Variants in CTNND2 observed in about 807,000 individuals in gnomAD.
CTNND2 encodes catenin delta-2.
Under a neutral mutation model 144.4 loss-of-function variants are expected in CTNND2, and 22 were observed. The observed-to-expected ratio is 0.15, with a 90% CI of 0.11 to 0.22. The LOEUF (loss-of-function observed/expected upper bound fraction) is 0.22, where lower values mean the gene tolerates loss of function less well. Ranked by LOEUF, CTNND2 falls within the 10% of genes least tolerant of loss-of-function variation. The pLI is 1.00. For synonymous variants in CTNND2, 751 were observed against 695.6 expected, an observed-to-expected ratio of 1.08 and a Z score of -1.25; for missense variants, 1,353 against 1,618.8, an observed-to-expected ratio of 0.84 and a Z score of 2.82.
chr5:11,371,282 G>A (rs1273382847), intron 7 of CTNND2, among the ~76,000 whole-genome samples: 5 of 152,206 alleles, frequency 3.3e-5, no homozygotes, highest in African/African-American at 1.2e-4. Flanking sequence ...GAAACTCCAA[G>A]GGGAAAAGGT....
intron 3 of CTNND2, among the ~76,000 whole-genome samples, chr5:11,464,428 C>T (rs1317420975): frequency 6.6e-6 from 1 of 151,986 alleles, no homozygotes; most frequent in Non-Finnish European, 1.5e-5. Context: ...GGAGAAAGTG[C>T]CCAAGGTTAG....
chr5:11,266,331 A>G (rs1745438280), intron 9 of CTNND2, among the ~76,000 whole-genome samples: 1 of 152,224 alleles, frequency 6.6e-6, no homozygotes, highest in South Asian at 2.1e-4. Context: ...CATAATTATC[A>G]TAAATACACA....
chr5:11,364,835 C>T lies in CTNND2; in HGVS notation c.1233G>A (p.Arg411=). The change falls in exon 8 of 22, where the codon CGG becomes CGA. Residue 411 remains arginine, a synonymous_variant. Transcript: ENST00000304623. The part of the protein sequence containing the change: ...SQHGHLGPEL[R]ALQSPEHHID... The stretch of plus-strand genomic sequence containing the variant: ...TGTGGTGTTCTGGGGACTGCAGGGC[C>T]CGCAACTCTGGGCCCAGGTGCCCAT... 1 of 1,613,780 alleles carries T rather than the reference C, an allele frequency of 6.2e-7. No homozygotes were observed. The highest frequency in any genetic ancestry group is 8.5e-7 in the Non-Finnish European group (1 of 1,179,858).
At chr5:11,342,621 C>A (rs560223035) in intron 9 of CTNND2, among the ~76,000 whole-genome samples, 1 of 152,314 alleles carries the variant, frequency 6.6e-6, no homozygotes, top group African/African-American at 2.4e-5. Context: ...GTTGCTATTA[C>A]TGCTACAATT....
intron 2 of CTNND2, among the ~76,000 whole-genome samples, chr5:11,617,653 G>C (rs894223011): frequency 6.6e-6 from 1 of 152,126 alleles, no homozygotes; most frequent in African/African-American, 2.4e-5. Flanking sequence ...GTATATAGAG[G>C]AATATGAGCC....
intron 16 of CTNND2, among the ~76,000 whole-genome samples, chr5:11,056,887 T>C (rs533161924): frequency 6.6e-6 from 1 of 152,246 alleles, no homozygotes; most frequent in Non-Finnish European, 1.5e-5. Context: ...TCAGGCCGCA[T>C]GCCAGAGACT....
intron 12 of CTNND2, among the ~76,000 whole-genome samples, chr5:11,133,782 G>T (rs963655607): frequency 2.6e-5 from 4 of 152,206 alleles, no homozygotes; most frequent in African/African-American, 9.7e-5. Flanking sequence ...TAGGAATAAT[G>T]TTGGAAAATG....
chr5:11,554,786 C>T (rs578259083), intron 3 of CTNND2, among the ~76,000 whole-genome samples: 1 of 151,864 alleles, frequency 6.6e-6, no homozygotes, highest in African/African-American at 2.4e-5. Context: ...CCCTGGAATC[C>T]AAGATACCAC....
intron 3 of CTNND2, among the ~76,000 whole-genome samples, chr5:11,426,275 T>G (rs1762763571): frequency 6.6e-6 from 1 of 152,214 alleles, no homozygotes; most frequent in Non-Finnish European, 1.5e-5. Context: ...TCATGAGAAA[T>G]GTGAAGGAAG....
intron 1 of CTNND2, among the ~76,000 whole-genome samples, chr5:11,751,542 T>C (rs4447987): frequency 6.6e-6 from 1 of 151,930 alleles, no homozygotes; most frequent in East Asian, 1.9e-4. Context: ...GCTCCATTCA[T>C]GTTGCTTCAA....
At chr5:11,164,670 G>A (rs1759126540) in intron 11 of CTNND2, among the ~76,000 whole-genome samples, 2 of 152,080 alleles carry the variant, frequency 1.3e-5, no homozygotes, top group African/African-American at 4.8e-5. Flanking sequence ...GCCTCATTCT[G>A]GAACATTGTT....
intron 8 of CTNND2, among the ~76,000 whole-genome samples, chr5:11,348,452 A>G (rs1354658918): frequency 6.8e-6 from 1 of 148,116 alleles, no homozygotes; most frequent in African/African-American, 2.4e-5. Context: ...AAAAAAAAAA[A>G]AAAAGAAAAA....
chr5:11,699,457 T>C (rs1785315522), intron 2 of CTNND2, among the ~76,000 whole-genome samples: 1 of 151,800 alleles, frequency 6.6e-6, no homozygotes, highest in East Asian at 1.9e-4. Flanking sequence ...GTATGTGGAG[T>C]TCAATTTGCT....
chr5:11,858,799 G>A (rs1017765309), intron 1 of CTNND2, among the ~76,000 whole-genome samples: 1 of 152,050 alleles, frequency 6.6e-6, no homozygotes, highest in African/African-American at 2.4e-5. Context: ...CATGGTGGCG[G>A]GTGCCTGTAG....
At chr5:11,851,743 G>C (rs1016333815) in intron 1 of CTNND2, among the ~76,000 whole-genome samples, 1 of 152,202 alleles carries the variant, frequency 6.6e-6, no homozygotes, top group Non-Finnish European at 1.5e-5. Flanking sequence ...AATTCCATTT[G>C]TGATTTTGGT....
At chr5:11,510,269 T>C (rs1367963005) in intron 3 of CTNND2, among the ~76,000 whole-genome samples, 1 of 152,134 alleles carries the variant, frequency 6.6e-6, no homozygotes, top group Non-Finnish European at 1.5e-5. Flanking sequence ...AATTTTACTC[T>C]AAGATCTAAA....
chr5:11,556,074 A>C (rs1226262520), intron 3 of CTNND2, among the ~76,000 whole-genome samples: 1 of 152,176 alleles, frequency 6.6e-6, no homozygotes, highest in Non-Finnish European at 1.5e-5. Context: ...CCTCATGAGA[A>C]ATGGTTTTTT....
chr5:11,592,729 T>TG (rs536947467), intron 2 of CTNND2, among the ~76,000 whole-genome samples: 74 of 151,072 alleles, frequency 4.9e-4, no homozygotes, highest in African/African-American at 1.6e-3. Context: ...CATGCTTTTC[T>TG]GGGGGGGTAA....
chr5:11,635,025 G>A (rs1168343794), intron 2 of CTNND2, among the ~76,000 whole-genome samples: 3 of 151,982 alleles, frequency 2.0e-5, no homozygotes, highest in African/African-American at 7.2e-5. Flanking sequence ...GGATTATACA[G>A]CACTCTTTTA....
Sources: gnomAD v4.1 joint callset for allele counts (sites outside exome capture counted in the v4.1 genomes callset) on GRCh38, gnomAD v4.1.1 for gene constraint, MANE v1.5 for transcripts, NCBI Gene and HGNC (gene_info 2026-07-23, HGNC 2026-07-21) for gene names.